XIRP2: variants seen among roughly 807,000 people sequenced by gnomAD.
XIRP2 encodes the protein xin actin binding repeat containing 2, also known as xin actin-binding repeat-containing protein 2.
A neutral mutation model predicts 277.0 loss-of-function variants in XIRP2; 236 were observed. That is an observed-to-expected ratio of 0.85 (90% CI 0.77 to 0.95). The LOEUF (loss-of-function observed/expected upper bound fraction) is 0.95, where lower values mean the gene tolerates loss of function less well. XIRP2 is among the 40% of genes least tolerant of loss of function. XIRP2 has a pLI of 0.00. For missense variants in XIRP2, 4,640 were observed against 4,157.5 expected (o/e 1.12, Z -3.19); for synonymous variants, 1,490 against 1,416.5 (o/e 1.05, Z -1.17).
At chr2:167,079,745 G>A (rs573339364) in intron 2 of XIRP2, among the ~76,000 whole-genome samples, 26 of 151,840 alleles carry the variant, frequency 1.7e-4, no homozygotes, top group African/African-American at 6.3e-4. Flanking sequence ...TGTTAATCTA[G>A]CTAGTGGTCT....
intron 2 of XIRP2, chr2:167,124,067 T>C (rs1691131247): frequency 1.3e-5 from 2 of 152,166 alleles, no homozygotes; most frequent in African/African-American, 2.4e-5. Flanking sequence ...TGATGCATTC[T>C]CTTCCCTGGA....
Position 167,027,128 on chromosome 2 carries a change from C to CT in XIRP2, c.409-108780dup, listed in dbSNP as rs1558953274. 2.0e-5 allele frequency among the ~76,000 whole-genome samples: 3 copies of CT among 152,268 alleles called. No homozygotes were observed. The East Asian group carries it at 5.8e-4, about 29-fold the overall frequency. ...CATCTTGGTTCCATTCTCTCCGTCA[C>CT]TCTCAGGTACACCAATCAGACCTAG... is the stretch of plus-strand genomic sequence containing the variant. On this transcript the variant is annotated intron_variant, in intron 2 of 10. Coordinates refer to ENST00000409195, the MANE Select transcript of XIRP2 (RefSeq NM_152381.6).
At position 167,114,133 on chromosome 2, in the gene XIRP2, G is replaced by T. The variant is rs561220751; in HGVS notation, c.409-21776G>T. On this transcript the variant is annotated intron_variant, in intron 2 of 10. Coordinates refer to ENST00000409195, the MANE Select transcript of XIRP2 (RefSeq NM_152381.6). ...GAATGGTTTTCTTCTGCAACATCTT[G>T]CAGGGGGTTTCTGCATTTCCTTGAT... is the stretch of plus-strand genomic sequence containing the variant. 6.6e-5 allele frequency among the ~76,000 whole-genome samples: 10 copies of T among 152,248 alleles called. No homozygotes were observed. In the East Asian group the frequency reaches 1.9e-3, roughly 29 times the overall value.
In XIRP2 at chr2:167,246,649, G is replaced by A. The variant is rs1695278955; in HGVS notation, c.5257G>A (p.Gly1753Arg). ...VQFFTTCIEA[G>R]ALDYLKQLHT... ...GTTTTTCACAACCTGCATAGAAGCT[G>A]GAGCTTTGGATTATCTGAAACAACT... Residue 1753 changes from glycine (G) to arginine (R), a missense_variant, in exon 9 of 11, where the codon GGA becomes AGA. Coordinates refer to ENST00000409195, the MANE Select transcript of XIRP2 (RefSeq NM_152381.6). 6.2e-7 allele frequency: 1 copy of A among 1,613,586 alleles called. No homozygotes were observed. The highest frequency in any genetic ancestry group is 8.5e-7 in the Non-Finnish European group (1 of 1,179,822).
intron 2 of XIRP2, among the ~76,000 whole-genome samples, chr2:166,908,816 G>A (rs1684613040): frequency 6.6e-6 from 1 of 152,144 alleles, no homozygotes; most frequent in South Asian, 2.1e-4. Flanking sequence ...AAGGGATCCA[G>A]TTTCAGATTT....
intron 3 of XIRP2, among the ~76,000 whole-genome samples, chr2:167,173,799 G>T (rs1196723193): frequency 1.3e-5 from 2 of 152,084 alleles, no homozygotes; most frequent in Non-Finnish European, 2.9e-5. Flanking sequence ...CTTTATTAAT[G>T]CCTGGCTTTT....
chr2:167,108,149 T>G (rs911617185), intron 2 of XIRP2, among the ~76,000 whole-genome samples: 2 of 151,920 alleles, frequency 1.3e-5, no homozygotes, highest in Non-Finnish European at 1.5e-5. Flanking sequence ...TTGTTCATCA[T>G]ATTCCTTTCT....
chr2:167,210,638 A>T (rs1258136168), intron 3 of XIRP2, 97 bp from the exon 4 acceptor site: 1 of 1,454,510 alleles, frequency 6.9e-7, no homozygotes, highest in Non-Finnish European at 9.4e-7. Context: ...CCATTTTACG[A>T]GATCAAGTAT....
At position 167,244,999 on chromosome 2, in the gene XIRP2, A is replaced by G. The variant is rs901963293; in HGVS notation, c.3607A>G (p.Lys1203Glu). The G allele has an allele frequency of 1.2e-6, 2 of 1,613,438 alleles. No individual in the cohort carries two copies. The highest frequency in any genetic ancestry group is 2.2e-5 in the South Asian group (2 of 90,972). Residue 1203 changes from lysine to glutamate, a missense_variant, in exon 9 of 11, where the codon AAA becomes GAA. Physicochemically the swap from Lys to Glu is moderately conservative, Grantham distance 56. Transcript: ENST00000409195. The part of the protein sequence containing the change: ...QAGDVSSMRY[K>E]FENQSLDSIS... ...TGGAGATGTTTCCAGCATGAGGTAT[A>G]AATTTGAAAATCAGTCCTTAGATTC...
intron 3 of XIRP2, among the ~76,000 whole-genome samples, chr2:167,192,199 G>T (rs1418031271): frequency 1.3e-5 from 2 of 151,720 alleles, no homozygotes; most frequent in Non-Finnish European, 1.5e-5. Flanking sequence ...TAATTCATAG[G>T]AACTTAATTG....
At chr2:166,956,147 A>G (rs1686155831) in intron 2 of XIRP2, among the ~76,000 whole-genome samples, 1 of 151,798 alleles carries the variant, frequency 6.6e-6, no homozygotes, top group African/African-American at 2.4e-5. Flanking sequence ...AAGTGACACA[A>G]CTATATGCTT....
chr2:167,213,791 A>T (rs1694132181), intron 4 of XIRP2, among the ~76,000 whole-genome samples: 1 of 152,152 alleles, frequency 6.6e-6, no homozygotes, highest in African/African-American at 2.4e-5. Context: ...GTAAACTTTC[A>T]TCTACCCGCA....
At chr2:167,177,850 G>A (rs1221060708) in intron 3 of XIRP2, among the ~76,000 whole-genome samples, 1 of 152,044 alleles carries the variant, frequency 6.6e-6, no homozygotes, top group East Asian at 1.9e-4. Flanking sequence ...AATATGTCAA[G>A]CACACACAGG....
chr2:166,926,624 C>T (rs1031597830), intron 2 of XIRP2, among the ~76,000 whole-genome samples: 6 of 152,110 alleles, frequency 3.9e-5, no homozygotes, highest in African/African-American at 2.4e-5. Context: ...TCCTATTTGA[C>T]AGATTTGAGT....
At chr2:167,128,329 G>A (rs146026525) in intron 2 of XIRP2, among the ~76,000 whole-genome samples, 2 of 152,128 alleles carry the variant, frequency 1.3e-5, no homozygotes, top group Non-Finnish European at 2.9e-5. Flanking sequence ...TGACCCTTGC[G>A]CAACACAGGT....
At chr2:167,231,453 T>C (rs16853285) in intron 5 of XIRP2, among the ~76,000 whole-genome samples, 23,041 of 152,000 alleles carry the variant, frequency 0.15, 2,160 homozygotes, top group African/African-American at 0.27. Flanking sequence ...TACTATGTTA[T>C]GTATTGTCAA....
At chr2:167,103,164 A>C (rs1369983057) in intron 2 of XIRP2, among the ~76,000 whole-genome samples, 2 of 152,100 alleles carry the variant, frequency 1.3e-5, no homozygotes, top group African/African-American at 4.8e-5. Context: ...GGAAGAAAGA[A>C]AGGAAGGAGG....
chr2:167,123,357 C>A lies in XIRP2; in HGVS notation c.409-12552C>A, dbSNP rs79867513. ...ACACAACTAGCTATTTTTAAAGCTA[C>A]GAAGAAACTTACTTTAATAGATATA... On this transcript the variant is annotated intron_variant, in intron 2 of 10. Coordinates refer to ENST00000409195, the MANE Select transcript of XIRP2 (RefSeq NM_152381.6). Among the ~76,000 whole-genome samples, 108 of 152,112 alleles carry A rather than the reference C, an allele frequency of 7.1e-4. 2 individuals are homozygous for A. The East Asian group carries it at 0.02, about 29-fold the overall frequency.
intron 2 of XIRP2, among the ~76,000 whole-genome samples, chr2:166,982,380 T>C (rs1686896042): frequency 6.6e-6 from 1 of 151,544 alleles, no homozygotes. Context: ...TTCTGTAAAA[T>C]TTGATTTTTC....
Sources: gnomAD v4.1 joint callset for allele counts (sites outside exome capture counted in the v4.1 genomes callset) on GRCh38, gnomAD v4.1.1 for gene constraint, MANE v1.5 for transcripts, NCBI Gene and HGNC (gene_info 2026-07-23, HGNC 2026-07-21) for gene names.